Variants in AGBL1 observed in about 807,000 individuals in gnomAD.
AGBL1 encodes the protein AGBL carboxypeptidase 1.
Under a neutral mutation model 118.9 loss-of-function variants are expected in AGBL1, and 130 were observed. The observed-to-expected ratio is 1.09, with a 90% confidence interval of 0.95 to 1.26. The LOEUF is 1.26. Among genes scored for constraint, AGBL1 ranks in the 50% most tolerant of loss-of-function variants. The pLI, the probability that AGBL1 is intolerant of heterozygous loss-of-function variation, is 0.00. For missense variants in AGBL1, 1,584 were observed against 1,298.1 expected (o/e 1.22, Z -3.38); for synonymous variants, 555 against 478.9 (o/e 1.16, Z -2.08).
At chr15:86,630,053 C>A (rs1009904626) in intron 21 of AGBL1, among the ~76,000 whole-genome samples, 1 of 152,208 alleles carries the variant, frequency 6.6e-6, no homozygotes, top group African/African-American at 2.4e-5. Flanking sequence ...TTTAATTCTG[C>A]AATGTGGTGC....
chr15:86,803,152 C>A (rs2078673295), intron 22 of AGBL1, among the ~76,000 whole-genome samples: 1 of 152,088 alleles, frequency 6.6e-6, no homozygotes, highest in African/African-American at 2.4e-5. Flanking sequence ...GGCTCTGTGT[C>A]TCCGCTGAAA....
rs111539291 is a variant in AGBL1 at position 86,756,245 on chromosome 15, C to A, written c.3158+81809C>A. On this transcript the variant is annotated intron_variant, in intron 22 of 22. Coordinates refer to ENST00000614907, the MANE Select transcript of AGBL1 (RefSeq NM_001386094.1). Reference sequence around the variant, plus strand: ...GAAATTCCAGTAGTGCCCCCGCCCCCACCAAAAAAAGAAAAAGACTACACA... The same window carrying A: ...GAAATTCCAGTAGTGCCCCCGCCCCAACCAAAAAAAGAAAAAGACTACACA... Among the ~76,000 whole-genome samples the A allele has an allele frequency of 2.5e-3, 372 of 151,798 alleles. 14 individuals carry two copies. Among genetic ancestry groups the A allele is most frequent in the African/African-American group, 8.5e-3 (350 of 41,256 alleles).
intron 22 of AGBL1, among the ~76,000 whole-genome samples, chr15:86,853,344 T>C (rs1367122475): frequency 6.6e-6 from 1 of 152,128 alleles, no homozygotes; most frequent in African/African-American, 2.4e-5. Flanking sequence ...AAGCAAGCAG[T>C]AGAGAGCTAA....
chr15:86,741,644 C>G (rs964422114), intron 22 of AGBL1, among the ~76,000 whole-genome samples: 1 of 151,976 alleles, frequency 6.6e-6, no homozygotes, highest in Non-Finnish European at 1.5e-5. Context: ...GAAAGGAACT[C>G]TATACACTGT....
chr15:86,848,854 A>C (rs1161121915), intron 22 of AGBL1, among the ~76,000 whole-genome samples: 1 of 152,218 alleles, frequency 6.6e-6, no homozygotes, highest in African/African-American at 2.4e-5. Context: ...TGATAATATC[A>C]ATAATAGCCA....
At position 86,362,121 on chromosome 15, in the gene AGBL1, A is replaced by G. The variant is rs115521687; in HGVS notation, c.2375-35245A>G. On this transcript the variant is annotated intron_variant, in intron 17 of 22. Transcript: ENST00000614907. ...TCAACTAGAGGCTGCCATGAAATGT[A>G]TGTAAATTATCTTACAGTTATAACA... 2.0e-3 allele frequency among the ~76,000 whole-genome samples: 303 copies of G among 152,258 alleles called. 1 individual carries two copies. Among genetic ancestry groups the G allele is most frequent in the African/African-American group, 6.8e-3 (282 of 41,578 alleles).
Position 86,554,344 on chromosome 15 carries a change from T to C in AGBL1, c.2818-17T>C. ...CACCCACAACTAATCATCGTTTGAT[T>C]TTTGTTTTTACTGTAGACTCTTCCC... On this transcript the variant is annotated splice_polypyrimidine_tract_variant and intron_variant, in intron 20 of 22. Coordinates refer to ENST00000614907, the MANE Select transcript of AGBL1 (RefSeq NM_001386094.1). 6.5e-7 allele frequency: 1 copy of C among 1,546,844 alleles called. No individual in the cohort carries two copies. Among genetic ancestry groups the C allele is most frequent in the Non-Finnish European group, 8.7e-7 (1 of 1,145,666 alleles).
At chr15:86,629,012 G>T (rs2084928088) in intron 21 of AGBL1, among the ~76,000 whole-genome samples, 1 of 151,970 alleles carries the variant, frequency 6.6e-6, no homozygotes, top group Non-Finnish European at 1.5e-5. Context: ...CTTAAGATCT[G>T]GTCTCAGCAA....
chr15:86,890,856 T>G (rs534775677), intron 22 of AGBL1, among the ~76,000 whole-genome samples: 190 of 152,342 alleles, frequency 1.2e-3, no homozygotes, highest in African/African-American at 4.4e-3. Flanking sequence ...TGCTTAGGAT[T>G]ATCTTTGCTA....
intron 5 of AGBL1, among the ~76,000 whole-genome samples, chr15:86,222,423 C>G (rs1228915463): frequency 6.6e-6 from 1 of 152,136 alleles, no homozygotes; most frequent in East Asian, 1.9e-4. Context: ...CCATCACTGA[C>G]TCTTCACTCT....
At chr15:86,336,499 A>G (rs766854301) in intron 17 of AGBL1, among the ~76,000 whole-genome samples, 4 of 152,204 alleles carry the variant, frequency 2.6e-5, no homozygotes, top group Non-Finnish European at 4.4e-5. Context: ...TCTTGGGCAG[A>G]CTGGAACAAG....
intron 22 of AGBL1, among the ~76,000 whole-genome samples, chr15:86,819,367 C>A (rs1316586683): frequency 6.6e-6 from 1 of 152,012 alleles, no homozygotes; most frequent in Non-Finnish European, 1.5e-5. Flanking sequence ...ACATGCTTTG[C>A]ATATATTAAT....
chr15:86,762,747 G>A (rs1393397490), intron 22 of AGBL1, among the ~76,000 whole-genome samples: 1 of 151,932 alleles, frequency 6.6e-6, no homozygotes, highest in Non-Finnish European at 1.5e-5. Flanking sequence ...TGAAAACAGA[G>A]GGCTTTACTG....
In AGBL1 at chr15:86,305,383, C is replaced by T. The variant is rs113566160; in HGVS notation, c.2374+9975C>T. Among the ~76,000 whole-genome samples the T allele has an allele frequency of 5.3e-5, 8 of 152,128 alleles. No individual in the cohort carries two copies. The South Asian group carries it at 6.2e-4, about 12-fold the overall frequency. ...CATCTGAGGAAGGAGAAAGGGAAAG[C>T]GAAATTTAAAGCAGAAAGGGAAAGC... On this transcript the variant is annotated intron_variant, in intron 17 of 22. Transcript: ENST00000614907.
At chr15:86,283,886 CA>C (rs2079396802) in intron 16 of AGBL1, among the ~76,000 whole-genome samples, 1 of 152,114 alleles carries the variant, frequency 6.6e-6, no homozygotes, top group Admixed American at 6.6e-5. Flanking sequence ...TGAGGTCAGA[CA>C]GGCCTAGATT....
intron 17 of AGBL1, among the ~76,000 whole-genome samples, chr15:86,388,615 A>G (rs534699448): frequency 6.6e-6 from 1 of 152,278 alleles, no homozygotes; most frequent in Non-Finnish European, 1.5e-5. Context: ...CATACTTTAC[A>G]TGGTACTTCT....
At chr15:86,459,838 C>A (rs1264754202) in intron 18 of AGBL1, among the ~76,000 whole-genome samples, 1 of 152,048 alleles carries the variant, frequency 6.6e-6, no homozygotes, top group Non-Finnish European at 1.5e-5. Flanking sequence ...TTTTTTATTG[C>A]CCAACGGGTA....
intron 22 of AGBL1, among the ~76,000 whole-genome samples, chr15:86,898,563 C>T (rs1342990646): frequency 6.6e-6 from 1 of 152,114 alleles, no homozygotes; most frequent in Non-Finnish European, 1.5e-5. Flanking sequence ...TCTAATTAAA[C>T]TTAACAGCTT....
intron 21 of AGBL1, among the ~76,000 whole-genome samples, chr15:86,629,483 T>C (rs1487282295): frequency 6.6e-6 from 1 of 152,150 alleles, no homozygotes; most frequent in Admixed American, 6.5e-5. Flanking sequence ...TCATCTTGCT[T>C]ATACAAAGTT....
Sources: allele counts gnomAD v4.1 joint callset (sites outside exome capture counted in the v4.1 genomes callset), GRCh38; gene constraint gnomAD v4.1.1; transcripts MANE v1.5; gene names NCBI Gene and HGNC (gene_info 2026-07-23, HGNC 2026-07-21).